PPME1: variants seen among roughly 807,000 people sequenced by gnomAD.
PPME1 encodes protein phosphatase methylesterase 1.
Under a neutral mutation model 56.9 loss-of-function variants are expected in PPME1, and 17 were observed. The observed-to-expected ratio is 0.30, with a 90% CI of 0.20 to 0.45. The LOEUF (loss-of-function observed/expected upper bound fraction) is 0.45, where lower values mean the gene tolerates loss of function less well. Among genes scored for constraint, PPME1 ranks in the 20% least tolerant of loss-of-function variants. PPME1 has a pLI of 1.00. For missense variants in PPME1, 357 were observed against 483.2 expected (o/e 0.74, Z 2.45); for synonymous variants, 122 against 156.2 (o/e 0.78, Z 1.63).
chr11:74,238,987 G>A, intron 8 of PPME1, 146 bp from the exon 9 acceptor site: 1 of 818,546 alleles, frequency 1.2e-6, no homozygotes, highest in Non-Finnish European at 1.8e-6. Flanking sequence ...CCACAGCCCT[G>A]GAAATGCACA....
chr11:74,230,124 C>A lies in PPME1; in HGVS notation c.399-121C>A, dbSNP rs1859029173. 9.3e-7 allele frequency: 1 copy of A among 1,073,596 alleles called. No individual in the cohort carries two copies. Among genetic ancestry groups the A allele is most frequent in the African/African-American group, 1.6e-5 (1 of 62,678 alleles). The allele number at this position is 1,073,596 out of a possible 1,614,324, so 66.5% of individuals were successfully genotyped here. ...TTACATAGGTATGTTTGTAAGATGG[C>A]CCAATAGACTTTTACAGTTTCCCAG... On this transcript the variant is annotated intron_variant, in intron 5 of 13. Coordinates refer to ENST00000328257, the MANE Select transcript of PPME1 (RefSeq NM_016147.3). This position sits in a 1 kb window ranked among gnomAD's most constrained non-coding sequence, Gnocchi z 4.9.
chr11:74,171,386 C>T lies in PPME1; in HGVS notation c.-36C>T. ...ACACTCAACGTGGGACGAAGCTTCGCCTACTGTTTGACTACGTGCGTGCAG... is the reference window on the plus strand; with the variant it reads ...ACACTCAACGTGGGACGAAGCTTCGTCTACTGTTTGACTACGTGCGTGCAG... On this transcript the variant is annotated 5_prime_UTR_variant, in exon 1 of 14. Coordinates refer to ENST00000328257, the MANE Select transcript of PPME1 (RefSeq NM_016147.3). 1 of 1,587,594 alleles carries T rather than the reference C, an allele frequency of 6.3e-7. No homozygotes were observed. The highest frequency in any genetic ancestry group is 2.3e-5 in the East Asian group (1 of 43,710).
At chr11:74,200,221 A>C (rs575098011) in intron 1 of PPME1, among the ~76,000 whole-genome samples, 1 of 152,262 alleles carries the variant, frequency 6.6e-6, no homozygotes, top group Non-Finnish European at 1.5e-5. Flanking sequence ...AATCTAAACT[A>C]TATCCCTAAA....
At chr11:74,195,642 C>G (rs567063566) in intron 1 of PPME1, among the ~76,000 whole-genome samples, 1 of 152,170 alleles carries the variant, frequency 6.6e-6, no homozygotes, top group African/African-American at 2.4e-5. Context: ...TGAAGGACAC[C>G]TGTCTAATTT....
intron 9 of PPME1, among the ~76,000 whole-genome samples, chr11:74,241,762 T>C (rs1294269970): frequency 6.6e-6 from 1 of 152,234 alleles, no homozygotes; most frequent in Non-Finnish European, 1.5e-5. Flanking sequence ...TTTCTTTTCA[T>C]GTGCTTATTG....
At chr11:74,226,842 G>A (rs115637243) in intron 5 of PPME1, among the ~76,000 whole-genome samples, 7 of 152,124 alleles carry the variant, frequency 4.6e-5, no homozygotes, top group Non-Finnish European at 7.4e-5. Context: ...TGGAATGAGC[G>A]ATTGGTAGTA....
At chr11:74,179,126 T>C (rs553369992) in intron 1 of PPME1, among the ~76,000 whole-genome samples, 1 of 152,364 alleles carries the variant, frequency 6.6e-6, no homozygotes, top group East Asian at 1.9e-4. Context: ...CCTTTTCCTA[T>C]ATGCTTCTGT....
At chr11:74,240,467 A>G (rs1261612103) in intron 9 of PPME1, among the ~76,000 whole-genome samples, 2 of 152,234 alleles carry the variant, frequency 1.3e-5, no homozygotes, top group Non-Finnish European at 2.9e-5. Context: ...GCTCATGAAC[A>G]GCAGACTAGG....
At chr11:74,215,128 T>C (rs1480668443) in intron 3 of PPME1, among the ~76,000 whole-genome samples, 1 of 152,192 alleles carries the variant, frequency 6.6e-6, no homozygotes, top group Non-Finnish European at 1.5e-5. Context: ...GACAGATTGC[T>C]TGAGCCCAGG....
intron 1 of PPME1, among the ~76,000 whole-genome samples, chr11:74,190,514 TG>T (rs894120177): frequency 2.0e-5 from 3 of 152,342 alleles, no homozygotes; most frequent in African/African-American, 7.2e-5. Flanking sequence ...GCATGCTTCT[TG>T]TACAGCCTGC....
chr11:74,220,998 A>G (rs1052897364), intron 3 of PPME1, among the ~76,000 whole-genome samples: 7 of 152,064 alleles, frequency 4.6e-5, no homozygotes, highest in African/African-American at 1.4e-4. Flanking sequence ...TATTGCCAGT[A>G]TTTTTCCCTC....
At chr11:74,202,071 T>G (rs1226754343) in intron 1 of PPME1, among the ~76,000 whole-genome samples, 1 of 152,192 alleles carries the variant, frequency 6.6e-6, no homozygotes, top group Non-Finnish European at 1.5e-5. Flanking sequence ...TGTATTAGAT[T>G]CTTTAAAGGT....
intron 9 of PPME1, chr11:74,243,612 A>C (rs1859432261): frequency 6.6e-6 from 1 of 152,116 alleles, no homozygotes; most frequent in African/African-American, 2.4e-5. Context: ...TTCTTTAGTG[A>C]GAATATTTGA....
chr11:74,216,615 T>C (rs1565386852), intron 3 of PPME1, among the ~76,000 whole-genome samples: 1 of 151,702 alleles, frequency 6.6e-6, no homozygotes, highest in African/African-American at 2.4e-5. Flanking sequence ...AACGCAAAAT[T>C]AGTAGGAGAC....
At chr11:74,214,368 G>A (rs572224111) in intron 3 of PPME1, among the ~76,000 whole-genome samples, 1 of 152,140 alleles carries the variant, frequency 6.6e-6, no homozygotes, top group Non-Finnish European at 1.5e-5. Context: ...AGAGTTAGTG[G>A]TCTTAAAGAG....
chr11:74,200,271 G>C (rs1858117743), intron 1 of PPME1, among the ~76,000 whole-genome samples: 1 of 151,934 alleles, frequency 6.6e-6, no homozygotes, highest in South Asian at 2.1e-4. Flanking sequence ...CAAAAATAAT[G>C]TAAGATTCTT....
At chr11:74,226,787 A>G (rs1279559809) in intron 5 of PPME1, among the ~76,000 whole-genome samples, 1 of 152,210 alleles carries the variant, frequency 6.6e-6, no homozygotes, top group East Asian at 1.9e-4. Flanking sequence ...AGTAATTTGA[A>G]TAAGTAAAGT....
chr11:74,240,028 C>G (rs147424493), intron 9 of PPME1, among the ~76,000 whole-genome samples: 1,652 of 146,736 alleles, frequency 0.011, 30 homozygotes, highest in African/African-American at 0.04. Flanking sequence ...CCTTGGCTCA[C>G]GTGATCATCC....
At chr11:74,228,041 T>A (rs2135658481) in intron 5 of PPME1, among the ~76,000 whole-genome samples, 1 of 152,270 alleles carries the variant, frequency 6.6e-6, no homozygotes, top group African/African-American at 2.4e-5. Flanking sequence ...TACTCATTAT[T>A]TGTCTGTTAC....
Sources: allele counts gnomAD v4.1 joint callset (sites outside exome capture counted in the v4.1 genomes callset), GRCh38; gene constraint gnomAD v4.1.1; non-coding constraint Gnocchi (gnomAD v3.1); transcripts MANE v1.5; gene names NCBI Gene and HGNC (gene_info 2026-07-23, HGNC 2026-07-21).